The following POLR3B variants were observed in gnomAD, a reference collection of about 807,000 sequenced individuals.
POLR3B encodes the protein DNA-directed RNA polymerase III subunit RPC2.
In POLR3B, 96 loss-of-function variants were observed where a neutral mutation model predicts 147.4. The ratio of observed to expected loss-of-function variants is 0.65; its 90% CI spans 0.55 to 0.77. The LOEUF (loss-of-function observed/expected upper bound fraction) is 0.77. POLR3B is among the 30% of genes least tolerant of loss of function. The pLI, the probability that POLR3B is intolerant of heterozygous loss-of-function variation, is 0.00. For synonymous variants in POLR3B, 461 were observed against 485.9 expected, an observed-to-expected ratio of 0.95 and a Z score of 0.67; for missense variants, 1,036 against 1,413.5, an observed-to-expected ratio of 0.73 and a Z score of 4.28.
intron 23 of POLR3B, among the ~76,000 whole-genome samples, chr12:106,476,973 T>A (rs947632051): frequency 7.9e-5 from 12 of 151,364 alleles, no homozygotes; most frequent in African/African-American, 2.9e-4. Context: ...GTTTTTCTGT[T>A]CTGTTTTTTC....
At chr12:106,487,291 G>C (rs1031850604) in intron 23 of POLR3B, among the ~76,000 whole-genome samples, 5 of 152,202 alleles carry the variant, frequency 3.3e-5, no homozygotes, top group Admixed American at 2.0e-4. Context: ...TTTTGGTCCA[G>C]ATACATGCCA....
At chr12:106,490,861 C>T (rs781418824) in intron 23 of POLR3B, among the ~76,000 whole-genome samples, 10 of 152,124 alleles carry the variant, frequency 6.6e-5, no homozygotes, top group Non-Finnish European at 1.3e-4. Context: ...CTTCTTTGGC[C>T]CCATTTACCA....
intron 19 of POLR3B, among the ~76,000 whole-genome samples, chr12:106,445,756 G>A (rs899576935): frequency 6.6e-6 from 1 of 152,122 alleles, no homozygotes; most frequent in African/African-American, 2.4e-5. Context: ...TAAAGAAACT[G>A]TAAAAATACA....
At position 106,391,635 on chromosome 12, in the gene POLR3B, T is replaced by C. The variant is rs187405435; in HGVS notation, c.724-1396T>C. Among the ~76,000 whole-genome samples the C allele has an allele frequency of 7.6e-4, 116 of 152,370 alleles. No homozygotes were observed. In the Middle Eastern group the frequency reaches 0.014, roughly 18 times the overall value. On this transcript the variant is annotated intron_variant, in intron 9 of 27. Transcript: ENST00000228347. ...ATAGCATTTTGAGCTGGAAGGGATC[T>C]GGTTTTTCATTTATGCAAATGAGAA...
At chr12:106,479,672 C>T (rs538223307) in intron 23 of POLR3B, among the ~76,000 whole-genome samples, 2 of 152,024 alleles carry the variant, frequency 1.3e-5, no homozygotes, top group Non-Finnish European at 2.9e-5. Flanking sequence ...CGTGAGCCAG[C>T]GCACCCAGCC....
At chr12:106,461,768 C>T (rs115908450) in intron 22 of POLR3B, among the ~76,000 whole-genome samples, 2,462 of 152,234 alleles carry the variant, frequency 0.016, 67 homozygotes, top group African/African-American at 0.056. Context: ...TCGCCTGGCC[C>T]TCCCTATCAG....
chr12:106,413,310 C>T (rs575937336), intron 12 of POLR3B, among the ~76,000 whole-genome samples: 1 of 152,118 alleles, frequency 6.6e-6, no homozygotes, highest in African/African-American at 2.4e-5. Context: ...ATGTACAATT[C>T]TAGATTGATA....
Position 106,410,848 on chromosome 12 carries a change from C to T in POLR3B, c.989C>T (p.Ala330Val), listed in dbSNP as rs2037216303. 3 of 1,613,840 alleles carry T rather than the reference C, an allele frequency of 1.9e-6. No individual in the cohort carries two copies. The highest frequency in any genetic ancestry group is 2.5e-6 in the Non-Finnish European group (3 of 1,179,830). Residue 330 changes from alanine to valine, a missense_variant, in exon 12 of 28, where the codon GCC becomes GTC. This residue lies in a region of POLR3B where 217 missense variants were observed against 288.7 expected (regional missense o/e 0.75). Coordinates refer to ENST00000228347, the MANE Select transcript of POLR3B (RefSeq NM_018082.6). ...HVPVKEFNFR[A>V]KCIYTAVMVR... is the part of the protein sequence containing the mutation. ...CAGGTTAAGGAATTCAATTTCCGAG[C>T]CAAATGTATCTATACTGCAGTGATG... is the stretch of plus-strand genomic sequence containing the variant.
rs767560264 is a variant in POLR3B at position 106,357,912 on chromosome 12, G to A, written c.33G>A (p.Leu11=). 7 of 1,613,490 alleles carry A rather than the reference G, an allele frequency of 4.3e-6. No individual in the cohort carries two copies. The South Asian group carries it at 4.4e-5, about 10-fold the overall frequency. ...TGCTAGCGGAGGAGTTTGGGAACCT[G>A]ACTCCGGAGCAGCTGGCGGCGCCGA... MDVLAEEFGN[L]TPEQLAAPIP... The change falls in exon 1 of 28, where the codon CTG becomes CTA. Residue 11 remains leucine, a synonymous_variant. Transcript: ENST00000228347.
chr12:106,419,121 A>T (rs1370160811), intron 12 of POLR3B, among the ~76,000 whole-genome samples: 2 of 152,126 alleles, frequency 1.3e-5, no homozygotes, highest in African/African-American at 4.8e-5. Flanking sequence ...TTTCCACAGG[A>T]AGTTGCTGGA....
chr12:106,458,555 G>A (rs1365735381), intron 21 of POLR3B, among the ~76,000 whole-genome samples: 1 of 152,190 alleles, frequency 6.6e-6, no homozygotes, highest in Non-Finnish European at 1.5e-5. Context: ...TGTGGTGAAG[G>A]TGGAGAGAAC....
At chr12:106,393,569 C>T (rs952470106) in intron 10 of POLR3B, among the ~76,000 whole-genome samples, 6 of 144,124 alleles carry the variant, frequency 4.2e-5, no homozygotes, top group African/African-American at 1.6e-4. Flanking sequence ...TTTTTTTATT[C>T]CCTACTTCAG....
chr12:106,365,875 T>A (rs917643899), intron 2 of POLR3B, among the ~76,000 whole-genome samples: 9 of 137,442 alleles, frequency 6.5e-5, no homozygotes, highest in African/African-American at 2.9e-4. Flanking sequence ...AAAAAAAAAT[T>A]TTTTTTTTGT....
At chr12:106,461,188 A>T (rs2037929189) in intron 22 of POLR3B, among the ~76,000 whole-genome samples, 1 of 151,916 alleles carries the variant, frequency 6.6e-6, no homozygotes, top group Non-Finnish European at 1.5e-5. Context: ...TCCACCTCCC[A>T]GTTCAAGTGA....
intron 25 of POLR3B, among the ~76,000 whole-genome samples, chr12:106,498,799 T>A (rs974897868): frequency 1.3e-5 from 2 of 152,238 alleles, no homozygotes; most frequent in Admixed American, 6.5e-5. Context: ...TTGGCCAGGC[T>A]GGTCTCGAAC....
At chr12:106,435,415 G>T (rs151209701) in intron 16 of POLR3B, among the ~76,000 whole-genome samples, 1 of 152,280 alleles carries the variant, frequency 6.6e-6, no homozygotes, top group South Asian at 2.1e-4. Context: ...AAAGTGCTGG[G>T]ATTACAGGTG....
At chr12:106,506,946 C>T (rs1194689916) in intron 27 of POLR3B, among the ~76,000 whole-genome samples, 1 of 152,108 alleles carries the variant, frequency 6.6e-6, no homozygotes, top group Admixed American at 6.6e-5. Context: ...CTTTAATGAG[C>T]CACACAATGA....
chr12:106,400,452 A>T (rs563409406), intron 10 of POLR3B, among the ~76,000 whole-genome samples: 1 of 152,312 alleles, frequency 6.6e-6, no homozygotes, highest in African/African-American at 2.4e-5. Context: ...CAGGAATTGA[A>T]CTCGACTCTG....
chr12:106,382,935 G>A (rs149835955), intron 9 of POLR3B, among the ~76,000 whole-genome samples: 2 of 152,324 alleles, frequency 1.3e-5, no homozygotes, highest in Non-Finnish European at 2.9e-5. Context: ...ATAGAAGGCT[G>A]TTGCATCTAC....
Sources: gnomAD v4.1 joint callset for allele counts (sites outside exome capture counted in the v4.1 genomes callset) on GRCh38, gnomAD v4.1.1 for gene constraint, gnomAD v4.1.1 regional missense constraint, MANE v1.5 for transcripts, NCBI Gene and HGNC (gene_info 2026-07-23, HGNC 2026-07-21) for gene names.